MINK1: variants seen among roughly 807,000 people sequenced by gnomAD.
MINK1 encodes misshapen like kinase 1.
MINK1 carries 46 observed loss-of-function variants against 178.4 expected under a neutral mutation model. That is an observed-to-expected ratio of 0.26 (90% confidence interval 0.20 to 0.33). MINK1 has a LOEUF of 0.33. Ranked by LOEUF, MINK1 falls within the 10% of genes least tolerant of loss-of-function variation. The pLI is 1.00. For missense variants in MINK1, 1,366 were observed against 1,814.9 expected (o/e 0.75, Z 4.49); for synonymous variants, 797 against 709.7 (o/e 1.12, Z -1.96).
In MINK1 at chr17:4,892,983, C is replaced by T; in HGVS notation, c.2316C>T (p.Ser772=). The T allele has an allele frequency of 6.4e-7, 1 of 1,570,108 alleles. No homozygotes were observed. The highest frequency in any genetic ancestry group is 1.7e-4 in the Middle Eastern group (1 of 6,020). The change falls in exon 20 of 32, where the codon TCC becomes TCT. Residue 772 remains serine (S), a synonymous_variant. Transcript: ENST00000355280. ...GSLERNRVGV[S]SKPDSSPVLS... ...TTCTTCCACCCTGCCGTCCAGTCTCCTCCAAACCGGACAGCTCCCCTGTGC... is the reference window on the plus strand; with the variant it reads ...TTCTTCCACCCTGCCGTCCAGTCTCTTCCAAACCGGACAGCTCCCCTGTGC...
Position 4,885,544 on chromosome 17 carries a change from G to A in MINK1, c.570G>A (p.Gly190=). ...TGGGCAGACGGAACACTTTCATTGG[G>A]ACTCCCTACTGGATGGCTCCAGAGG... ...RTVGRRNTFI[G]TPYWMAPEVI... Residue 190 remains glycine, a synonymous_variant, in exon 7 of 32, where the codon GGG becomes GGA. Coordinates refer to ENST00000355280, the MANE Select transcript of MINK1 (RefSeq NM_153827.5). This position sits in a 1 kb window ranked among gnomAD's most constrained non-coding sequence, Gnocchi z 5.0. The A allele has an allele frequency of 6.2e-7, 1 of 1,613,958 alleles. No individual in the cohort carries two copies. The highest frequency in any genetic ancestry group is 2.2e-5 in the East Asian group (1 of 44,888).
At chr17:4,845,622 C>G (rs925389295) in intron 1 of MINK1, among the ~76,000 whole-genome samples, 1 of 151,884 alleles carries the variant, frequency 6.6e-6, no homozygotes, top group African/African-American at 2.4e-5. Context: ...CAAAGCATGA[C>G]CTGGAATTGA....
Position 4,892,626 on chromosome 17 carries a change from T to C in MINK1, c.2199-30T>C, listed in dbSNP as rs1018620657. 5.7e-6 allele frequency: 9 copies of C among 1,575,628 alleles called. No homozygotes were observed. In the Admixed American group the frequency reaches 1.4e-4, roughly 25 times the overall value. On this transcript the variant is annotated intron_variant, in intron 18 of 31. Coordinates refer to ENST00000355280, the MANE Select transcript of MINK1 (RefSeq NM_153827.5). ...ACCCCAGAGAAGGGAGCACCGTGCC[T>C]CCCTGACCCTGACTCTGCCCCCCCA...
intron 1 of MINK1, among the ~76,000 whole-genome samples, chr17:4,834,385 C>G (rs1474317348): frequency 6.6e-6 from 1 of 150,956 alleles, no homozygotes; most frequent in Non-Finnish European, 1.5e-5. Context: ...AGGATGTTTA[C>G]ACACACACAC....
intron 1 of MINK1, among the ~76,000 whole-genome samples, chr17:4,876,633 G>A (rs1030602454): frequency 1.3e-5 from 2 of 152,044 alleles, no homozygotes; most frequent in African/African-American, 4.8e-5. Context: ...CAAAATCAAG[G>A]AGAAAGGAGT....
chr17:4,875,847 G>A (rs1407565478), intron 1 of MINK1, among the ~76,000 whole-genome samples: 1 of 151,186 alleles, frequency 6.6e-6, no homozygotes, highest in Non-Finnish European at 1.5e-5. Flanking sequence ...TTTGGTTGGA[G>A]TGCAGTGGTG....
At chr17:4,897,134 C>A (rs567783363) in intron 31 of MINK1, 70 bp from the exon 32 acceptor site, 6 of 1,240,880 alleles carry the variant, frequency 4.8e-6, no homozygotes, top group Non-Finnish European at 5.7e-6. Flanking sequence ...TTCTTCCCTT[C>A]TTTCCCTCTC....
chr17:4,881,094 G>A (rs1218359484), intron 3 of MINK1, 38 bp from the exon 4 acceptor site: 1 of 1,536,592 alleles, frequency 6.5e-7, no homozygotes, highest in Admixed American at 2.0e-5. Context: ...AGGGAGTGTT[G>A]GGGGAGTCTC....
At chr17:4,860,557 G>A (rs1914003742) in intron 1 of MINK1, among the ~76,000 whole-genome samples, 2 of 152,144 alleles carry the variant, frequency 1.3e-5, no homozygotes, top group African/African-American at 4.8e-5. Flanking sequence ...TTTGGTTTTG[G>A]GGAAAGGAAA....
Position 4,833,728 on chromosome 17 carries a change from G to T in MINK1, c.57+88G>T. 5 of 1,152,522 alleles carry T rather than the reference G, an allele frequency of 4.3e-6. No homozygotes were observed. The highest frequency in any genetic ancestry group is 5.8e-6 in the Non-Finnish European group (5 of 862,514). 71.4% of individuals were successfully genotyped at this position (1,152,522 alleles called of 1,614,324 possible). A position where few individuals can be genotyped will look rare whatever the true frequency, so the allele number is the denominator to read the frequency against. ...GTGGCTGCACGCCTCACGTGCTCCC[G>T]GGCGCCCCCTCCACCAGCTTGGGTC... On this transcript the variant is annotated intron_variant, in intron 1 of 31. Coordinates refer to ENST00000355280, the MANE Select transcript of MINK1 (RefSeq NM_153827.5). The surrounding 1 kb of genome is among the most constrained non-coding windows in gnomAD (Gnocchi z 4.8).
rs1597589085 is a variant in MINK1, at chr17:4,895,437, G to A, written c.3173G>A (p.Arg1058Gln). The A allele has an allele frequency of 2.5e-6, 4 of 1,607,600 alleles. No homozygotes were observed. Among genetic ancestry groups the A allele is most frequent in the East Asian group, 2.2e-5 (1 of 44,794 alleles). ...QGKVYGLIGR[R>Q]RFQQMDVLEG... is the part of the protein sequence containing the mutation. ...AAGGTGTATGGACTCATTGGGCGGC[G>A]ACGCTTCCAGCAGATGGATGTGCTG... The change falls in exon 26 of 32, where the codon CGA becomes CAA. Residue 1058 changes from arginine to glutamine, a missense_variant. By Grantham distance (43) the Arg-to-Gln change is conservative. Coordinates refer to ENST00000355280, the MANE Select transcript of MINK1 (RefSeq NM_153827.5). This position sits in a 1 kb window ranked among gnomAD's most constrained non-coding sequence, Gnocchi z 4.3.
At position 4,885,846 on chromosome 17, in the gene MINK1, G is replaced by A; in HGVS notation, c.640-65G>A. On this transcript the variant is annotated intron_variant, in intron 7 of 31. Coordinates refer to ENST00000355280, the MANE Select transcript of MINK1 (RefSeq NM_153827.5). The surrounding 1 kb of genome is among the most constrained non-coding windows in gnomAD (Gnocchi z 5.0). ...GGCTCCTGAGAGGCCAGGATGGTGG[G>A]TGAAGAGAGGTTGCAGGGCAGAGTT... The A allele has an allele frequency of 6.3e-7, 1 of 1,574,944 alleles. No homozygotes were observed.
At chr17:4,842,354 C>T (rs1295763754) in intron 1 of MINK1, among the ~76,000 whole-genome samples, 1 of 152,172 alleles carries the variant, frequency 6.6e-6, no homozygotes, top group Non-Finnish European at 1.5e-5. Context: ...CCACTGGTAC[C>T]TCTCATGAAC....
intron 1 of MINK1, among the ~76,000 whole-genome samples, chr17:4,858,873 A>T (rs1019706160): frequency 6.6e-6 from 1 of 152,178 alleles, no homozygotes; most frequent in African/African-American, 2.4e-5. Flanking sequence ...AAGTACAAGG[A>T]GCTAGGAAAG....
chr17:4,894,474 G>A lies in MINK1; in HGVS notation c.2809-51G>A. ...CCTGGGGAACAGCAGCAGGGGCAGGGCCGCAGCTGGACTTGCACTTGTTTG... is the reference window on the plus strand; with the variant it reads ...CCTGGGGAACAGCAGCAGGGGCAGGACCGCAGCTGGACTTGCACTTGTTTG... On this transcript the variant is annotated intron_variant, in intron 23 of 31. Transcript: ENST00000355280. The surrounding 1 kb of genome is among the most constrained non-coding windows in gnomAD (Gnocchi z 4.1). The A allele has an allele frequency of 6.5e-7, 1 of 1,527,786 alleles. No individual in the cohort carries two copies. The highest frequency in any genetic ancestry group is 1.4e-5 in the African/African-American group (1 of 72,892). 94.6% of individuals were successfully genotyped at this position (1,527,786 alleles called of 1,614,324 possible). A position where few individuals can be genotyped will look rare whatever the true frequency, so the allele number is the denominator to read the frequency against.
In MINK1 at chr17:4,890,743, C is replaced by G. The variant is rs1968704475; in HGVS notation, c.1566+8C>G. On this transcript the variant is annotated splice_region_variant and intron_variant, in intron 14 of 31. Transcript: ENST00000355280. ...CCAGCCTGGGCCCGAGAGGTACTCA[C>G]TGCCTCCTTTGCCTCCTGAGACTGC... The G allele has an allele frequency of 6.5e-7, 1 of 1,542,840 alleles. No individual in the cohort carries two copies. Among genetic ancestry groups the G allele is most frequent in the African/African-American group, 1.4e-5 (1 of 72,870 alleles).
chr17:4,873,257 C>G (rs1432647622), intron 1 of MINK1, among the ~76,000 whole-genome samples: 1 of 152,362 alleles, frequency 6.6e-6, no homozygotes, highest in Non-Finnish European at 1.5e-5. Flanking sequence ...ATTTACAGAT[C>G]CTTGTTTCTA....
chr17:4,875,191 C>T (rs541426501), intron 1 of MINK1: 8 of 519,864 alleles, frequency 1.5e-5, no homozygotes, highest in African/African-American at 9.6e-5. Context: ...GAACTGAAGA[C>T]GGATGAGATG....
chr17:4,877,003 G>C (rs997541562), intron 1 of MINK1, among the ~76,000 whole-genome samples: 5 of 151,988 alleles, frequency 3.3e-5, no homozygotes, highest in South Asian at 2.1e-4. Flanking sequence ...GTGGAGGATT[G>C]CTTGAGCCCA....
Sources: allele counts gnomAD v4.1 joint callset (sites outside exome capture counted in the v4.1 genomes callset), GRCh38; gene constraint gnomAD v4.1.1; non-coding constraint Gnocchi (gnomAD v3.1); transcripts MANE v1.5; gene names NCBI Gene and HGNC (gene_info 2026-07-23, HGNC 2026-07-21).